The following GRN variants were observed in gnomAD, a reference collection of about 807,000 sequenced individuals.
GRN encodes the protein progranulin.
In GRN, 30 loss-of-function variants were observed where a neutral mutation model predicts 66.7. That is an observed-to-expected ratio of 0.45 (90% CI 0.34 to 0.61). GRN has a LOEUF of 0.61. Ranked by LOEUF, GRN falls within the 20% of genes least tolerant of loss-of-function variation. GRN has a pLI of 0.01. For missense variants in GRN, 731 were observed against 803.5 expected (o/e 0.91, Z 1.09); for synonymous variants, 327 against 311.1 (o/e 1.05, Z -0.54).
rs1416671750 is a variant in GRN at position 44,350,770 on chromosome 17, T to A, written c.678T>A (p.Ser226Arg). The change falls in exon 7 of 13, where the codon AGT becomes AGA. Residue 226 changes from serine to arginine, a missense_variant. Physicochemically the swap from Ser to Arg is moderately radical, Grantham distance 110. Around this residue, in one of 3 missense-constraint regions of GRN, gnomAD observed 370 missense variants for 379.8 expected, o/e 0.97. Coordinates refer to ENST00000053867, the MANE Select transcript of GRN (RefSeq NM_002087.4). Reference sequence around the variant, plus strand: ...GTTCTACCTGCTGTGAGCTGCCCAGTGGGAAGTATGGCTGCTGCCCAATGC... The same window carrying A: ...GTTCTACCTGCTGTGAGCTGCCCAGAGGGAAGTATGGCTGCTGCCCAATGC... ...PDGSTCCELP[S>R]GKYGCCPMPN... 6.2e-7 allele frequency: 1 copy of A among 1,613,464 alleles called. No individual in the cohort carries two copies. The highest frequency in any genetic ancestry group is 2.2e-5 in the East Asian group (1 of 44,860).
At chr17:44,351,010 C>T in intron 7 of GRN, 27 bp from the exon 8 acceptor site, 1 of 1,611,784 alleles carries the variant, frequency 6.2e-7, no homozygotes, top group Non-Finnish European at 8.5e-7. Context: ...CTGGAAGTGA[C>T]AAAGACCCAC....
At chr17:44,347,715 G>A (rs946154701) in intron 1 of GRN, among the ~76,000 whole-genome samples, 4 of 151,448 alleles carry the variant, frequency 2.6e-5, no homozygotes, top group Non-Finnish European at 5.9e-5. Context: ...ACTTAGGGAG[G>A]CTGAGGTGGG....
rs764968816 is a variant in GRN at position 44,351,406 on chromosome 17, C to G, written c.879C>G (p.Gly293=). 6.2e-7 allele frequency: 1 copy of G among 1,610,884 alleles called. No individual in the cohort carries two copies. The highest frequency in any genetic ancestry group is 1.1e-5 in the South Asian group (1 of 90,976). The stretch of plus-strand genomic sequence containing the variant: ...ACATGGAGGTGAGCTGCCCAGATGG[C>G]TATACCTGCTGCCGTCTACAGTCGG... ...KCDMEVSCPD[G]YTCCRLQSGA... is the part of the protein sequence containing the mutation. Residue 293 remains glycine (G), a synonymous_variant, in exon 9 of 13, where the codon GGC becomes GGG. Coordinates refer to ENST00000053867, the MANE Select transcript of GRN (RefSeq NM_002087.4).
In GRN at chr17:44,351,168, C is replaced by T; in HGVS notation, c.835+5C>T. 1.9e-6 allele frequency: 3 copies of T among 1,614,140 alleles called. No homozygotes were observed. The highest frequency in any genetic ancestry group is 2.5e-6 in the Non-Finnish European group (3 of 1,179,984). ...CTAAGCTGCCTGCGCACACAGGTAC[C>T]AGAGGCAGGGTGCAGATACAGGGGT... is the stretch of plus-strand genomic sequence containing the variant. On this transcript the variant is annotated splice_donor_5th_base_variant and intron_variant, in intron 8 of 12. Coordinates refer to ENST00000053867, the MANE Select transcript of GRN (RefSeq NM_002087.4).
chr17:44,345,681 G>A (rs900752511), intron 1 of GRN: 5 of 152,790 alleles, frequency 3.3e-5, no homozygotes, highest in African/African-American at 9.6e-5. Flanking sequence ...AGGGGCGCGC[G>A]ACCCTGGGCT....
intron 10 of GRN, 44 bp downstream of exon 10, chr17:44,351,839 C>G (rs751652608): frequency 2.5e-6 from 4 of 1,599,486 alleles, no homozygotes; most frequent in Non-Finnish European, 3.4e-6. Context: ...AGGTGGGTGG[C>G]CAAGCTCCTA....
Position 44,349,673 on chromosome 17 carries a change from G to A in GRN, c.271G>A (p.Ala91Thr). ...GTTTCTCTGTGTTCCACAGGCCGTG[G>A]CATGCGGGGATGGCCATCACTGCTG... Reference protein sequence around the residue: ...SSCCPFPEAVACGDGHHCCPR... With the variant: ...SSCCPFPEAVTCGDGHHCCPR... The change falls in exon 4 of 13, where the codon GCA (alanine) becomes ACA (threonine). Residue 91 changes from alanine to threonine, a missense_variant. Ala to Thr is a moderately conservative substitution (Grantham distance 58, BLOSUM62 0). Around this residue, in one of 3 missense-constraint regions of GRN, gnomAD observed 370 missense variants for 379.8 expected, o/e 0.97. Coordinates refer to ENST00000053867, the MANE Select transcript of GRN (RefSeq NM_002087.4). 4 of 1,613,068 alleles carry A rather than the reference G, an allele frequency of 2.5e-6. No individual in the cohort carries two copies. The highest frequency in any genetic ancestry group is 3.4e-6 in the Non-Finnish European group (4 of 1,179,106).
chr17:44,346,986 G>C (rs1010133437), intron 1 of GRN, among the ~76,000 whole-genome samples: 1 of 151,846 alleles, frequency 6.6e-6, no homozygotes, highest in Admixed American at 6.6e-5. Context: ...GTGTGGTAGC[G>C]CACACCTATA....
intron 6 of GRN, 48 bp from the exon 7 acceptor site, chr17:44,350,643 A>C: frequency 6.2e-7 from 1 of 1,611,840 alleles, no homozygotes; most frequent in Non-Finnish European, 8.5e-7. Flanking sequence ...AAGTGTAGGA[A>C]AAAGTTTCCT....
At position 44,350,220 on chromosome 17, in the gene GRN, G is replaced by A; in HGVS notation, c.350-8G>A. ...GGCTGGTAGTATCCTGGGTCATCTT[G>A]TCCACAGGTAACAACTCCGTGGGTG... On this transcript the variant is annotated splice_region_variant and splice_polypyrimidine_tract_variant and intron_variant, in intron 4 of 12. Coordinates refer to ENST00000053867, the MANE Select transcript of GRN (RefSeq NM_002087.4). 6.3e-7 allele frequency: 1 copy of A among 1,591,218 alleles called. No individual in the cohort carries two copies. Among genetic ancestry groups the A allele is most frequent in the Non-Finnish European group, 8.6e-7 (1 of 1,159,160 alleles).
At chr17:44,346,620 C>T (rs1350751203) in intron 1 of GRN, among the ~76,000 whole-genome samples, 4 of 152,134 alleles carry the variant, frequency 2.6e-5, no homozygotes, top group Admixed American at 6.5e-5. Context: ...AGGTCCAATA[C>T]GCTCTGGGGC....
At position 44,352,337 on chromosome 17, in the gene GRN, C is replaced by T. The variant is rs1196197419; in HGVS notation, c.1414-4C>T. 1.2e-6 allele frequency: 2 copies of T among 1,612,552 alleles called. No homozygotes were observed. Among genetic ancestry groups the T allele is most frequent in the Admixed American group, 3.3e-5 (2 of 60,010 alleles). On this transcript the variant is annotated splice_polypyrimidine_tract_variant and splice_region_variant and intron_variant, in intron 11 of 12. Transcript: ENST00000053867. ...ATGCCATTCTGTGCTCCCTTCCCCG[C>T]CAGGCTGTGTGCTGCGAGGATCGCC...
Position 44,349,717 on chromosome 17 carries a change from C to A in GRN, c.315C>A (p.Cys105Ter). Residue 105 changes from cysteine to a stop codon, truncating the protein, a stop_gained, in exon 4 of 13, where the codon TGC becomes TGA. Transcript: ENST00000053867. LOFTEE classifies it high-confidence loss of function. Reference sequence around the variant, plus strand: ...ACTGCTGCCCACGGGGCTTCCACTGCAGTGCAGACGGGCGATCCTGCTTCC... The same window carrying A: ...ACTGCTGCCCACGGGGCTTCCACTGAAGTGCAGACGGGCGATCCTGCTTCC... ...GHHCCPRGFH[C>*]SADGRSCFQR... 6.2e-7 allele frequency: 1 copy of A among 1,612,186 alleles called. No individual in the cohort carries two copies. The highest frequency in any genetic ancestry group is 8.5e-7 in the Non-Finnish European group (1 of 1,178,384).
Position 44,349,851 on chromosome 17 carries a change from G to A in GRN, c.349+100G>A, listed in dbSNP as rs542632458. 4.9e-5 allele frequency: 39 copies of A among 793,536 alleles called. 1 individual carries two copies. Among genetic ancestry groups the A allele is most frequent in the South Asian group, 4.8e-4 (33 of 68,226 alleles). 49.2% of individuals were successfully genotyped at this position (793,536 alleles called of 1,614,324 possible). On this transcript the variant is annotated intron_variant, in intron 4 of 12. Coordinates refer to ENST00000053867, the MANE Select transcript of GRN (RefSeq NM_002087.4). ...GGGGGCAGCCCTGATTCCTGCCCTTGTGCCCTCATTCATGTGGCATCTGTA... is the reference window on the plus strand; with the variant it reads ...GGGGGCAGCCCTGATTCCTGCCCTTATGCCCTCATTCATGTGGCATCTGTA...
At chr17:44,349,116 G>T in intron 1 of GRN, 42 bp from the exon 2 acceptor site, 1 of 1,610,094 alleles carries the variant, frequency 6.2e-7, no homozygotes, top group Non-Finnish European at 8.5e-7. Flanking sequence ...CAAGGGTGGC[G>T]TGGGCTTAAG....
Position 44,349,550 on chromosome 17 carries a change from A to G in GRN, c.263A>G (p.Glu88Gly). ...SGTSSCCPFP[E>G]AVACGDGHHC... ...ACTTCCAGTTGCTGCCCCTTCCCAG[A>G]GGTGAGCGTGCCATCAGCCCAGTGG... The change falls in exon 3 of 13, where the codon GAG becomes GGG. Residue 88 changes from glutamate (E) to glycine (G), a missense_variant and splice_region_variant. Coordinates refer to ENST00000053867, the MANE Select transcript of GRN (RefSeq NM_002087.4). 1 of 1,614,098 alleles carries G rather than the reference A, an allele frequency of 6.2e-7. No homozygotes were observed. Among genetic ancestry groups the G allele is most frequent in the Non-Finnish European group, 8.5e-7 (1 of 1,180,016 alleles).
intron 4 of GRN, 77 bp downstream of exon 4, chr17:44,349,828 G>T: frequency 1.0e-6 from 1 of 966,758 alleles, no homozygotes; most frequent in South Asian, 1.3e-5. Flanking sequence ...CAGCTGGCGG[G>T]GGCAGCCCTG....
At chr17:44,349,983 G>C (rs1028699541) in intron 4 of GRN, 1 of 639,728 alleles carries the variant, frequency 1.6e-6, no homozygotes. Flanking sequence ...GGGAGAGGTC[G>C]AGCTGGGCCG....
chr17:44,348,369 A>G (rs990636190), intron 1 of GRN, among the ~76,000 whole-genome samples: 1 of 152,148 alleles, frequency 6.6e-6, no homozygotes, highest in Non-Finnish European at 1.5e-5. Context: ...CTCTCTCCAC[A>G]TGTGGCTGAG....
Sources: allele counts gnomAD v4.1 joint callset (sites outside exome capture counted in the v4.1 genomes callset), GRCh38; gene constraint gnomAD v4.1.1; regional missense constraint gnomAD v4.1.1; transcripts MANE v1.5; gene names NCBI Gene and HGNC (gene_info 2026-07-23, HGNC 2026-07-21).